MAPRE3: variants seen among roughly 807,000 people sequenced by gnomAD.
The protein encoded by MAPRE3 is microtubule-associated protein RP/EB family member 3.
Under a neutral mutation model 30.5 loss-of-function variants are expected in MAPRE3, and 2 were observed. That is an observed-to-expected ratio of 0.07 (90% CI 0.03 to 0.21). The LOEUF (loss-of-function observed/expected upper bound fraction) is 0.21. Among genes scored for constraint, MAPRE3 ranks in the 10% least tolerant of loss-of-function variants. MAPRE3 has a pLI of 1.00. For synonymous variants in MAPRE3, 110 were observed against 127.7 expected, an observed-to-expected ratio of 0.86 and a Z score of 0.93; for missense variants, 204 against 351.8, an observed-to-expected ratio of 0.58 and a Z score of 3.36.
rs181514873 is a variant in MAPRE3 at position 26,974,566 on chromosome 2, C to G, written c.-8+3764C>G. The stretch of plus-strand genomic sequence containing the variant: ...AGCTGCGGGCTTATCTTCCACCTCT[C>G]AGAATGGAACCTTTTGTAGTTTCTG... On this transcript the variant is annotated intron_variant, in intron 1 of 6. Coordinates refer to ENST00000233121, the MANE Select transcript of MAPRE3 (RefSeq NM_012326.4). Among the ~76,000 whole-genome samples, 248 of 152,294 alleles carry G rather than the reference C, an allele frequency of 1.6e-3. 3 individuals carry two copies. The highest frequency in any genetic ancestry group is 3.0e-3 in the Non-Finnish European group (203 of 68,022).
chr2:26,995,446 A>G (rs916916459), intron 1 of MAPRE3: 1 of 152,212 alleles, frequency 6.6e-6, no homozygotes, highest in Non-Finnish European at 1.5e-5. Context: ...TCCTGGAACA[A>G]ATTATTCTTC....
chr2:27,014,289 AC>A (rs1666932415), intron 1 of MAPRE3, among the ~76,000 whole-genome samples: 1 of 152,044 alleles, frequency 6.6e-6, no homozygotes, highest in Non-Finnish European at 1.5e-5. Flanking sequence ...GCCAGAACCT[AC>A]CCCAAGGACT....
At position 26,999,488 on chromosome 2, in the gene MAPRE3, C is replaced by CTTTTT. The variant is rs531651199; in HGVS notation, c.-7-22701_-7-22697dup. Among the ~76,000 whole-genome samples the CTTTTT allele has an allele frequency of 1.0e-3, 82 of 79,004 alleles. 6 individuals carry two copies. The highest frequency in any genetic ancestry group is 2.4e-3 in the African/African-American group (46 of 18,898). The allele number at this position is 79,004 out of a possible 152,430, so 51.8% of individuals were successfully genotyped here. On this transcript the variant is annotated intron_variant, in intron 1 of 6. Coordinates refer to ENST00000233121, the MANE Select transcript of MAPRE3 (RefSeq NM_012326.4). Reference sequence around the variant, plus strand: ...TTTTTTCTTCTTTCTTTCCTTCTTTCTTTTTTTTTTTTTTTTTTTTTTTTT... The same window carrying CTTTTT: ...TTTTTTCTTCTTTCTTTCCTTCTTTCTTTTTTTTTTTTTTTTTTTTTTTTTTTTTT...
At chr2:26,991,136 C>T (rs927630351) in intron 1 of MAPRE3, among the ~76,000 whole-genome samples, 4 of 152,150 alleles carry the variant, frequency 2.6e-5, no homozygotes, top group African/African-American at 9.7e-5. Flanking sequence ...CGCCTGTAGT[C>T]CCAGCTGCTC....
intron 1 of MAPRE3, among the ~76,000 whole-genome samples, chr2:27,003,508 A>G (rs1666650436): frequency 6.6e-6 from 1 of 152,234 alleles, no homozygotes; most frequent in Non-Finnish European, 1.5e-5. Flanking sequence ...TTAGGGAATC[A>G]GCTGTCTACG....
At chr2:26,973,616 G>A (rs1270228096) in intron 1 of MAPRE3, among the ~76,000 whole-genome samples, 2 of 150,088 alleles carry the variant, frequency 1.3e-5, no homozygotes, top group East Asian at 2.0e-4. Context: ...CTGCAGTGGC[G>A]CAATCTCGGC....
chr2:27,013,786 G>A (rs1431613801), intron 1 of MAPRE3: 1 of 152,250 alleles, frequency 6.6e-6, no homozygotes, highest in Non-Finnish European at 1.5e-5. Context: ...TCAGGGTGCA[G>A]GAAAGAAGAT....
intron 1 of MAPRE3, among the ~76,000 whole-genome samples, chr2:26,980,971 C>G (rs1666102742): frequency 6.6e-6 from 1 of 152,070 alleles, no homozygotes; most frequent in Non-Finnish European, 1.5e-5. Context: ...CTACCCCTGA[C>G]TTTTAGGGTG....
At chr2:27,019,024 C>A (rs1572771107) in intron 1 of MAPRE3, among the ~76,000 whole-genome samples, 1 of 152,136 alleles carries the variant, frequency 6.6e-6, no homozygotes, top group Middle Eastern at 3.4e-3. Flanking sequence ...TCAAGCAATT[C>A]TCCTGCCTCA....
intron 1 of MAPRE3, among the ~76,000 whole-genome samples, chr2:26,989,631 G>A (rs1201005619): frequency 6.6e-6 from 1 of 152,224 alleles, no homozygotes; most frequent in Non-Finnish European, 1.5e-5. Flanking sequence ...AAGAGCTGGT[G>A]TAGAGGAGGG....
intron 1 of MAPRE3, among the ~76,000 whole-genome samples, chr2:26,983,349 C>T (rs1019283787): frequency 1.4e-4 from 21 of 152,328 alleles, no homozygotes; most frequent in African/African-American, 4.6e-4. Flanking sequence ...CCTAGCAACT[C>T]TCCCCAAGTA....
At chr2:27,025,281 G>A (rs567045154) in intron 4 of MAPRE3, among the ~76,000 whole-genome samples, 5 of 152,244 alleles carry the variant, frequency 3.3e-5, no homozygotes, top group South Asian at 2.1e-4. Flanking sequence ...CCAAATTTGC[G>A]TCCTAATTTC....
chr2:26,971,545 C>T (rs182899335), intron 1 of MAPRE3, among the ~76,000 whole-genome samples: 2 of 151,124 alleles, frequency 1.3e-5, no homozygotes, highest in African/African-American at 2.4e-5. Context: ...GAAGAGGTTG[C>T]GTTTGGGAGC....
intron 1 of MAPRE3, among the ~76,000 whole-genome samples, chr2:27,001,701 C>T (rs554473842): frequency 1.3e-5 from 2 of 152,220 alleles, no homozygotes; most frequent in Admixed American, 6.5e-5. Context: ...TACACACATA[C>T]GTACATACAT....
chr2:27,011,797 G>C (rs1207937330), intron 1 of MAPRE3: 1 of 128,010 alleles, frequency 7.8e-6, no homozygotes, highest in Non-Finnish European at 1.5e-5. Context: ...AGTGAGCTGA[G>C]ATCATGCCAT....
At chr2:27,007,430 T>C (rs1364334934) in intron 1 of MAPRE3, among the ~76,000 whole-genome samples, 1 of 152,248 alleles carries the variant, frequency 6.6e-6, no homozygotes, top group Non-Finnish European at 1.5e-5. Flanking sequence ...GAATGGCCTG[T>C]GGTCTGTCAG....
intron 1 of MAPRE3, among the ~76,000 whole-genome samples, chr2:26,995,782 T>TGTGTGTGTGTGTGTGTG (rs2148208859): frequency 8.0e-6 from 1 of 125,104 alleles, no homozygotes; most frequent in South Asian, 2.5e-4. Flanking sequence ...CTAAGAGAGG[T>TGTGTGTGTGTGTGTGTG]GTGTGTGTGT....
At chr2:27,026,073 C>T in intron 6 of MAPRE3, 41 bp downstream of exon 6, 1 of 1,611,906 alleles carries the variant, frequency 6.2e-7, no homozygotes, top group South Asian at 1.1e-5. Flanking sequence ...CCAGTCTGGC[C>T]TGGCCCTAAG....
Position 27,026,571 on chromosome 2 carries a change from C to A in MAPRE3, c.*223C>A. ...AGTTGGTGGGACCCCTGTCCACACC[C>A]ACCCTATTTATTTCCGTTGTCTCTC... On this transcript the variant is annotated 3_prime_UTR_variant, in exon 7 of 7. Coordinates refer to ENST00000233121, the MANE Select transcript of MAPRE3 (RefSeq NM_012326.4). 2.0e-6 allele frequency: 1 copy of A among 489,442 alleles called. No homozygotes were observed. The highest frequency in any genetic ancestry group is 3.5e-5 in the East Asian group (1 of 28,886). 30.3% of individuals were successfully genotyped at this position (489,442 alleles called of 1,614,324 possible). A position where few individuals can be genotyped will look rare whatever the true frequency, so the allele number is the denominator to read the frequency against.
Sources: gnomAD v4.1 joint callset for allele counts (sites outside exome capture counted in the v4.1 genomes callset) on GRCh38, gnomAD v4.1.1 for gene constraint, MANE v1.5 for transcripts, NCBI Gene and HGNC (gene_info 2026-07-23, HGNC 2026-07-21) for gene names.